Variants in MAGI2 observed in about 807,000 individuals in gnomAD.
The protein encoded by MAGI2 is membrane-associated guanylate kinase, WW and PDZ domain-containing protein 2.
A neutral mutation model predicts 133.3 loss-of-function variants in MAGI2; 35 were observed. The observed-to-expected ratio is 0.26, with a 90% CI of 0.20 to 0.35. MAGI2 has a LOEUF of 0.35. MAGI2 is among the 10% of genes least tolerant of loss of function. The probability of loss-of-function intolerance (pLI) is 1.00; values close to 1 mark genes in which losing one functional copy is unlikely to be tolerated. For missense variants in MAGI2, 1,636 were observed against 1,863.4 expected (o/e 0.88, Z 2.25); for synonymous variants, 729 against 710.6 (o/e 1.03, Z -0.41).
At chr7:78,674,266 G>C (rs1167195374) in intron 2 of MAGI2, among the ~76,000 whole-genome samples, 3 of 150,828 alleles carry the variant, frequency 2.0e-5, no homozygotes, top group East Asian at 3.9e-4. Context: ...TCATGCAGCA[G>C]AGTGTTTCAT....
At chr7:79,181,102 C>T (rs1316970843) in intron 1 of MAGI2, among the ~76,000 whole-genome samples, 3 of 151,838 alleles carry the variant, frequency 2.0e-5, no homozygotes, top group Non-Finnish European at 2.9e-5. Flanking sequence ...TCCAGGCACA[C>T]GGTGTAAGCT....
intron 1 of MAGI2, among the ~76,000 whole-genome samples, chr7:79,076,538 G>C (rs148683212): frequency 6.6e-6 from 1 of 152,060 alleles, no homozygotes; most frequent in Non-Finnish European, 1.5e-5. Flanking sequence ...TATATTCAAA[G>C]TTCAAAGATG....
intron 6 of MAGI2, among the ~76,000 whole-genome samples, chr7:78,478,396 C>T (rs1792005010): frequency 6.6e-6 from 1 of 151,886 alleles, no homozygotes; most frequent in Non-Finnish European, 1.5e-5. Flanking sequence ...CCATTTTAAA[C>T]TCAGATGACT....
intron 1 of MAGI2, among the ~76,000 whole-genome samples, chr7:79,264,213 T>C (rs1217172374): frequency 6.6e-6 from 1 of 152,200 alleles, no homozygotes; most frequent in Admixed American, 6.5e-5. Flanking sequence ...TGGCTGCTGT[T>C]TTAGATAGTG....
At position 79,366,229 on chromosome 7, in the gene MAGI2, A is replaced by G. The variant is rs551815421; in HGVS notation, c.301+86791T>C. Among the ~76,000 whole-genome samples the G allele has an allele frequency of 1.5e-3, 228 of 152,246 alleles. 3 individuals carry two copies. Among genetic ancestry groups the G allele is most frequent in the Non-Finnish European group, 2.4e-3 (164 of 68,002 alleles). ...CCGGGCAATGGGAGTAAGATCCTGT[A>G]TCAAAAAAACAAAAAACAAACAAAC... On this transcript the variant is annotated intron_variant, in intron 1 of 21. Transcript: ENST00000354212.
chr7:78,192,957 G>C (rs1828381331), intron 12 of MAGI2, among the ~76,000 whole-genome samples: 1 of 152,148 alleles, frequency 6.6e-6, no homozygotes, highest in African/African-American at 2.4e-5. Flanking sequence ...GGGCGATGAA[G>C]AGCTACCAGA....
chr7:78,552,631 G>A (rs1236866392), intron 3 of MAGI2, among the ~76,000 whole-genome samples: 1 of 152,160 alleles, frequency 6.6e-6, no homozygotes, highest in African/African-American at 2.4e-5. Context: ...GGTGTCTGTA[G>A]ATGCCGTACT....
chr7:79,373,836 T>G (rs1468659780), intron 1 of MAGI2, among the ~76,000 whole-genome samples: 1 of 152,086 alleles, frequency 6.6e-6, no homozygotes, highest in Admixed American at 6.6e-5. Flanking sequence ...GAATTGACTA[T>G]GACCTAAAAA....
intron 20 of MAGI2, among the ~76,000 whole-genome samples, chr7:78,094,964 C>T (rs1474093583): frequency 6.6e-6 from 1 of 152,172 alleles, no homozygotes. Flanking sequence ...TTCTTTATCC[C>T]TCCAGTCATC....
chr7:78,494,065 C>G (rs1278134337), intron 5 of MAGI2, among the ~76,000 whole-genome samples: 1 of 152,110 alleles, frequency 6.6e-6, no homozygotes, highest in South Asian at 2.1e-4. Context: ...CCACCTCCAC[C>G]CCCTGGGATC....
intron 9 of MAGI2, among the ~76,000 whole-genome samples, chr7:78,279,118 T>C (rs1795314717): frequency 6.6e-6 from 1 of 152,150 alleles, no homozygotes; most frequent in Non-Finnish European, 1.5e-5. Context: ...TGGTTTTTAG[T>C]CCTTTACTTA....
chr7:78,060,506 A>C (rs1428741525), intron 21 of MAGI2, among the ~76,000 whole-genome samples: 3 of 152,244 alleles, frequency 2.0e-5, no homozygotes, highest in Admixed American at 2.0e-4. Flanking sequence ...TGAATACCAC[A>C]AAGGGGAGGA....
At chr7:78,131,034 G>A (rs758703026) in intron 18 of MAGI2, among the ~76,000 whole-genome samples, 1 of 152,202 alleles carries the variant, frequency 6.6e-6, no homozygotes, top group Non-Finnish European at 1.5e-5. Context: ...TCTGACTCTG[G>A]AAAGGAGAAT....
At chr7:79,217,125 G>A (rs962198098) in intron 1 of MAGI2, among the ~76,000 whole-genome samples, 6 of 151,998 alleles carry the variant, frequency 3.9e-5, no homozygotes, top group Admixed American at 2.6e-4. Context: ...TTTGAATGCG[G>A]AGTTTGACTT....
intron 2 of MAGI2, among the ~76,000 whole-genome samples, chr7:78,915,439 T>C (rs895263836): frequency 1.3e-5 from 2 of 152,078 alleles, no homozygotes; most frequent in East Asian, 1.9e-4. Flanking sequence ...CTTGAAAAGA[T>C]GCATATAAAT....
Position 79,157,639 on chromosome 7 carries a change from G to A in MAGI2, c.302-150433C>T, listed in dbSNP as rs546386972. Among the ~76,000 whole-genome samples the A allele has an allele frequency of 4.6e-5, 7 of 151,848 alleles. No individual in the cohort carries two copies. In the East Asian group the frequency reaches 7.8e-4, roughly 17 times the overall value. On this transcript the variant is annotated intron_variant, in intron 1 of 21. Coordinates refer to ENST00000354212, the MANE Select transcript of MAGI2 (RefSeq NM_012301.4). ...AGAATGACCCCCTTTCAAGCATTCT[G>A]TATGTTTTATGGCACATCTCCTTGC... is the stretch of plus-strand genomic sequence containing the variant.
At chr7:78,775,908 G>A (rs1389449839) in intron 2 of MAGI2, among the ~76,000 whole-genome samples, 1 of 152,176 alleles carries the variant, frequency 6.6e-6, no homozygotes, top group East Asian at 1.9e-4. Context: ...GATTATATTA[G>A]TAGAGAGCAT....
At chr7:78,233,189 T>A (rs907420686) in intron 10 of MAGI2, among the ~76,000 whole-genome samples, 1 of 152,076 alleles carries the variant, frequency 6.6e-6, no homozygotes, top group African/African-American at 2.4e-5. Flanking sequence ...GTGGTCATGA[T>A]TGTGGTGGTG....
intron 6 of MAGI2, among the ~76,000 whole-genome samples, chr7:78,424,275 G>A (rs894932736): frequency 1.3e-5 from 2 of 152,196 alleles, no homozygotes; most frequent in African/African-American, 2.4e-5. Flanking sequence ...CCGCTTCCAT[G>A]TGGCATTGAG....
Sources: gnomAD v4.1 joint callset for allele counts (sites outside exome capture counted in the v4.1 genomes callset) on GRCh38, gnomAD v4.1.1 for gene constraint, MANE v1.5 for transcripts, NCBI Gene and HGNC (gene_info 2026-07-23, HGNC 2026-07-21) for gene names.